ACOX1: variants seen among roughly 807,000 people sequenced by gnomAD.
The protein encoded by ACOX1 is peroxisomal acyl-coenzyme A oxidase 1.
In ACOX1, 41 loss-of-function variants were observed where a neutral mutation model predicts 75.5. The observed-to-expected ratio is 0.54, with a 90% confidence interval of 0.42 to 0.70. The LOEUF is 0.70. ACOX1 is among the 30% of genes least tolerant of loss of function. The pLI is 0.00. For missense variants in ACOX1, 630 were observed against 837.5 expected (o/e 0.75, Z 3.06); for synonymous variants, 303 against 298.8 (o/e 1.01, Z -0.15).
chr17:75,958,771 G>A (rs944986859), intron 3 of ACOX1, among the ~76,000 whole-genome samples: 2 of 145,488 alleles, frequency 1.4e-5, no homozygotes, highest in Non-Finnish European at 3.0e-5. Context: ...TCGCGCCACT[G>A]CACTCCAGCC....
intron 7 of ACOX1, among the ~76,000 whole-genome samples, chr17:75,952,910 A>G (rs1430838146): frequency 6.6e-6 from 1 of 152,030 alleles, no homozygotes; most frequent in African/African-American, 2.4e-5. Flanking sequence ...CCTAGGCTCA[A>G]GTAATCTTCT....
chr17:75,960,080 G>A lies in ACOX1; in HGVS notation c.430+135C>T. On this transcript the variant is annotated intron_variant, in intron 3 of 13. Transcript: ENST00000293217. This position sits in a 1 kb window ranked among gnomAD's most constrained non-coding sequence, Gnocchi z 4.4. ...CAAAGCAGTGTTTATACCAAAACCT[G>A]GACTCTGCAGAAAGAGCTCATTTAA... The A allele has an allele frequency of 9.3e-7, 1 of 1,069,742 alleles. No individual in the cohort carries two copies. Among genetic ancestry groups the A allele is most frequent in the Non-Finnish European group, 1.4e-6 (1 of 729,536 alleles). The allele number at this position is 1,069,742 out of a possible 1,614,324, so 66.3% of individuals were successfully genotyped here.
intron 2 of ACOX1, among the ~76,000 whole-genome samples, chr17:75,968,187 A>T (rs377028643): frequency 6.6e-6 from 1 of 151,076 alleles, no homozygotes; most frequent in Non-Finnish European, 1.5e-5. Context: ...CTGTAATCCC[A>T]GCACTTTGGG....
chr17:75,968,846 C>A (rs1385207326), intron 2 of ACOX1, among the ~76,000 whole-genome samples: 2 of 150,154 alleles, frequency 1.3e-5, no homozygotes, highest in African/African-American at 2.4e-5. Context: ...CGCTTGAATG[C>A]GGGAGGCGGA....
chr17:75,974,450 ACT>A (rs1023829650), intron 2 of ACOX1, among the ~76,000 whole-genome samples: 4 of 152,066 alleles, frequency 2.6e-5, no homozygotes, highest in Admixed American at 6.6e-5. Context: ...TTAGTCCTCA[ACT>A]CTCTTCTTAC....
At chr17:75,975,358 T>C (rs1052651667) in intron 2 of ACOX1, among the ~76,000 whole-genome samples, 1 of 152,000 alleles carries the variant, frequency 6.6e-6, no homozygotes, top group Non-Finnish European at 1.5e-5. Context: ...CGTTTTGCCA[T>C]GTTGGCCAGG....
intron 2 of ACOX1, among the ~76,000 whole-genome samples, chr17:75,975,419 A>G (rs576660603): frequency 2.0e-5 from 3 of 152,318 alleles, no homozygotes; most frequent in Admixed American, 1.3e-4. Context: ...TCAGCCACCC[A>G]AAGTGCTGGG....
At chr17:75,975,913 G>A (rs1001240490) in intron 2 of ACOX1, among the ~76,000 whole-genome samples, 1 of 149,534 alleles carries the variant, frequency 6.7e-6, no homozygotes, top group Non-Finnish European at 1.5e-5. Context: ...GGAAGAGAAA[G>A]AGAAAGAAAA....
At chr17:75,961,457 T>TAAA (rs2065887128) in intron 2 of ACOX1, among the ~76,000 whole-genome samples, 1 of 19,148 alleles carries the variant, frequency 5.2e-5, no homozygotes, top group Non-Finnish European at 1.1e-4. Flanking sequence ...CCGTTTCTAC[T>TAAA]AAAAATACAA....
At chr17:75,967,125 GT>G (rs1296171841) in intron 2 of ACOX1, among the ~76,000 whole-genome samples, 1 of 151,354 alleles carries the variant, frequency 6.6e-6, no homozygotes, top group African/African-American at 2.4e-5. Context: ...TTCTCACTCT[GT>G]ATCATATACA....
In ACOX1 at chr17:75,942,411, AAG is replaced by A. The variant is rs2065679799; in HGVS notation, c.*4335_*4336del. 6.8e-6 allele frequency: 1 copy of A among 147,142 alleles called. No homozygotes were observed. The highest frequency in any genetic ancestry group is 1.5e-5 in the Non-Finnish European group (1 of 67,096). The allele number at this position is 147,142 out of a possible 1,614,324, so 9.1% of individuals were successfully genotyped here. On this transcript the variant is annotated 3_prime_UTR_variant, in exon 14 of 14. Coordinates refer to ENST00000293217, the MANE Select transcript of ACOX1 (RefSeq NM_004035.7). ...CGCCACTGCACTCTACCCTGGGTGA[AAG>A]AGCAAGACAACGTCTCAAAAAAAAA... is the stretch of plus-strand genomic sequence containing the variant.
At position 75,946,558 on chromosome 17, in the gene ACOX1, G is replaced by A; in HGVS notation, c.*190C>T. 5 of 602,610 alleles carry A rather than the reference G, an allele frequency of 8.3e-6. No individual in the cohort carries two copies. The highest frequency in any genetic ancestry group is 1.2e-5 in the Non-Finnish European group (4 of 333,872). 37.3% of individuals were successfully genotyped at this position (602,610 alleles called of 1,614,324 possible). A position where few individuals can be genotyped will look rare whatever the true frequency, so the allele number is the denominator to read the frequency against. On this transcript the variant is annotated 3_prime_UTR_variant, in exon 14 of 14. Coordinates refer to ENST00000293217, the MANE Select transcript of ACOX1 (RefSeq NM_004035.7). ...AATGGTTTAACAGGTCTCTTTCAGT[G>A]TTAATTGCACTTAAAACATCTGCTT... is the stretch of plus-strand genomic sequence containing the variant.
rs545209252 is a variant in ACOX1 at position 75,950,332 on chromosome 17, G to A, written c.1299-435C>T. The stretch of plus-strand genomic sequence containing the variant: ...GCAATCTTGGCTCACTGCAACCTCC[G>A]CTTCCCAGGTTCAAGCGATTCTTCT... On this transcript the variant is annotated intron_variant, in intron 9 of 13. Transcript: ENST00000293217. This position sits in a 1 kb window ranked among gnomAD's most constrained non-coding sequence, Gnocchi z 4.3. Among the ~76,000 whole-genome samples the A allele has an allele frequency of 1.7e-4, 25 of 150,612 alleles. No homozygotes were observed. The highest frequency in any genetic ancestry group is 6.1e-4 in the African/African-American group (25 of 40,914).
chr17:75,969,772 A>C (rs1209948619), intron 2 of ACOX1, among the ~76,000 whole-genome samples: 1 of 152,214 alleles, frequency 6.6e-6, no homozygotes, highest in Non-Finnish European at 1.5e-5. Flanking sequence ...GTATCATACA[A>C]TCTCTATATT....
intron 3 of ACOX1, 123 bp from the exon 4 acceptor site, chr17:75,957,689 A>T: frequency 4.3e-6 from 3 of 698,994 alleles, no homozygotes; most frequent in Non-Finnish European, 7.6e-6. Context: ...CTAACAAAAA[A>T]CACCTGTAGA....
chr17:75,948,558 CTTTTTTTT>C (rs1040565790), intron 12 of ACOX1, 101 bp from the exon 13 acceptor site: 11 of 849,876 alleles, frequency 1.3e-5, no homozygotes, highest in African/African-American at 1.1e-4. Flanking sequence ...TTATTTTTTT[CTTTTTTTT>C]TTTTTGAGAC....
At chr17:75,975,931 A>AAAAGAAAGAAAAGAAAAGAAAG (rs1356295906) in intron 2 of ACOX1, among the ~76,000 whole-genome samples, 2 of 150,494 alleles carry the variant, frequency 1.3e-5, no homozygotes, top group East Asian at 1.9e-4. Flanking sequence ...AAAAGAAAGG[A>AAAAGAAAGAAAAGAAAAGAAAG]AAAGAAAGAA....
chr17:75,968,376 C>CA (rs2065959571), intron 2 of ACOX1, among the ~76,000 whole-genome samples: 1 of 136,068 alleles, frequency 7.3e-6, no homozygotes, highest in African/African-American at 2.9e-5. Context: ...GTGGAGCTTG[C>CA]AGTGAGCCGA....
chr17:75,960,405 G>A lies in ACOX1; in HGVS notation c.270-30C>T. ...GAGGAAATATCAAGGATGGGCATTTGAGAGAAGAGTCATCAGGTGTGAGAG... is the reference window on the plus strand; with the variant it reads ...GAGGAAATATCAAGGATGGGCATTTAAGAGAAGAGTCATCAGGTGTGAGAG... On this transcript the variant is annotated intron_variant, in intron 2 of 13. Transcript: ENST00000293217. This position sits in a 1 kb window ranked among gnomAD's most constrained non-coding sequence, Gnocchi z 4.4. 6.2e-7 allele frequency: 1 copy of A among 1,609,322 alleles called. No individual in the cohort carries two copies. The highest frequency in any genetic ancestry group is 1.7e-5 in the Admixed American group (1 of 59,664).
Sources: allele counts gnomAD v4.1 joint callset (sites outside exome capture counted in the v4.1 genomes callset), GRCh38; gene constraint gnomAD v4.1.1; non-coding constraint Gnocchi (gnomAD v3.1); transcripts MANE v1.5; gene names NCBI Gene and HGNC (gene_info 2026-07-23, HGNC 2026-07-21).